GNG4: variants seen among roughly 807,000 people sequenced by gnomAD.
GNG4 encodes the protein guanine nucleotide-binding protein G(I)/G(S)/G(O) subunit gamma-4.
In GNG4, 4 loss-of-function variants were observed where a neutral mutation model predicts 5.8. That is an observed-to-expected ratio of 0.69 (90% confidence interval 0.34 to 1.57). The LOEUF is 1.57. GNG4 is among the 40% of genes most tolerant of loss of function. The pLI, the probability that GNG4 is intolerant of heterozygous loss-of-function variation, is 0.06. For synonymous variants in GNG4, 29 were observed against 32.9 expected (o/e 0.88, Z 0.41); for missense variants, 96 against 95.1 (o/e 1.01, Z -0.04).
chr1:235,555,754 C>A (rs1030858655), intron 3 of GNG4, among the ~76,000 whole-genome samples: 1 of 151,230 alleles, frequency 6.6e-6, no homozygotes, highest in African/African-American at 2.4e-5. Flanking sequence ...TGGTGTACAA[C>A]ATGATGTTTT....
In GNG4 at chr1:235,648,486, C is replaced by T. The variant is rs1198570486; in HGVS notation, c.-123+1176G>A. 1.3e-5 allele frequency among the ~76,000 whole-genome samples: 2 copies of T among 152,234 alleles called. No individual in the cohort carries two copies. The highest frequency in any genetic ancestry group is 2.9e-5 in the Non-Finnish European group (2 of 68,044). On this transcript the variant is annotated intron_variant, in intron 1 of 3. Transcript: ENST00000391854. This position sits in a 1 kb window ranked among gnomAD's most constrained non-coding sequence, Gnocchi z 5.0. ...CCTCTTGCAGGGAACAGGGCCAGATCAGATGGCGGCTGGTTCCCCTCCCCC... is the reference window on the plus strand; with the variant it reads ...CCTCTTGCAGGGAACAGGGCCAGATTAGATGGCGGCTGGTTCCCCTCCCCC...
chr1:235,633,304 T>C (rs894680816), intron 1 of GNG4, among the ~76,000 whole-genome samples: 1 of 152,008 alleles, frequency 6.6e-6, no homozygotes, highest in Admixed American at 6.6e-5. Flanking sequence ...AAGTTCCACT[T>C]CTTCCCAGGA....
At chr1:235,593,732 C>A (rs1004154576) in intron 2 of GNG4, among the ~76,000 whole-genome samples, 2 of 152,112 alleles carry the variant, frequency 1.3e-5, no homozygotes, top group Non-Finnish European at 2.9e-5. Flanking sequence ...GTGAGTGTTA[C>A]AGCTCTTAAG....
At chr1:235,629,577 T>TTTTC (rs146878010) in intron 1 of GNG4, among the ~76,000 whole-genome samples, 3,779 of 143,380 alleles carry the variant, frequency 0.026, 171 homozygotes, top group African/African-American at 0.1. Flanking sequence ...CCTCTCAAAT[T>TTTTC]TTTCTTTCTT....
chr1:235,631,190 T>C (rs563728872), intron 1 of GNG4, among the ~76,000 whole-genome samples: 1 of 152,150 alleles, frequency 6.6e-6, no homozygotes, highest in African/African-American at 2.4e-5. Context: ...TGAGCCACTG[T>C]GCCCAGCTGA....
chr1:235,634,043 T>C (rs1334513701), intron 1 of GNG4, among the ~76,000 whole-genome samples: 1 of 152,148 alleles, frequency 6.6e-6, no homozygotes, highest in Non-Finnish European at 1.5e-5. Context: ...GAGCTCAGAT[T>C]GGGGTCCTAC....
At chr1:235,599,759 G>A (rs1237112990) in intron 1 of GNG4, among the ~76,000 whole-genome samples, 1 of 152,192 alleles carries the variant, frequency 6.6e-6, no homozygotes, top group Non-Finnish European at 1.5e-5. Context: ...CATAACAGTG[G>A]TGGACAGCAG....
chr1:235,621,043 G>A (rs954866333), intron 1 of GNG4, among the ~76,000 whole-genome samples: 2 of 151,982 alleles, frequency 1.3e-5, no homozygotes, highest in South Asian at 4.1e-4. Flanking sequence ...CTGGCAGGCA[G>A]GCTGCCCCTG....
chr1:235,582,424 C>T (rs1021362696), intron 3 of GNG4, among the ~76,000 whole-genome samples: 3 of 152,244 alleles, frequency 2.0e-5, no homozygotes, highest in Non-Finnish European at 2.9e-5. Context: ...CCAGCCATAG[C>T]TCACAACTCT....
chr1:235,612,824 G>A lies in GNG4; in HGVS notation c.-122-17313C>T, dbSNP rs149091395. On this transcript the variant is annotated intron_variant, in intron 1 of 3. Coordinates refer to ENST00000391854, the MANE Select transcript of GNG4 (RefSeq NM_001098722.2). ...AGGCATGAGCCATCATGCCCGTCCT[G>A]GGTAGCTTTTAAACTACAAAATTTA... Among the ~76,000 whole-genome samples, 34 of 152,204 alleles carry A rather than the reference G, an allele frequency of 2.2e-4. No homozygotes were observed. The East Asian group carries it at 6.2e-3, about 28-fold the overall frequency.
At chr1:235,580,753 T>TTG (rs1558483043) in intron 3 of GNG4, among the ~76,000 whole-genome samples, 1 of 147,128 alleles carries the variant, frequency 6.8e-6, no homozygotes, top group African/African-American at 2.5e-5. Flanking sequence ...TTTGTTTTTT[T>TTG]TTTTTTTTTT....
At chr1:235,613,078 G>T (rs924473925) in intron 1 of GNG4, among the ~76,000 whole-genome samples, 5 of 151,926 alleles carry the variant, frequency 3.3e-5, no homozygotes, top group African/African-American at 1.2e-4. Context: ...CTACTGCACT[G>T]GGGATTAGAT....
chr1:235,606,419 A>T (rs1688361645), intron 1 of GNG4, among the ~76,000 whole-genome samples: 1 of 152,050 alleles, frequency 6.6e-6, no homozygotes, highest in East Asian at 1.9e-4. Flanking sequence ...TGAGGAAACC[A>T]TGGGAGTCTA....
intron 1 of GNG4, among the ~76,000 whole-genome samples, chr1:235,632,887 C>G (rs78254170): frequency 2.0e-5 from 3 of 151,936 alleles, no homozygotes; most frequent in Non-Finnish European, 2.9e-5. Context: ...TGGATGAAAC[C>G]GAAAGACTAT....
intron 3 of GNG4, among the ~76,000 whole-genome samples, chr1:235,583,423 TG>T (rs1687692198): frequency 6.6e-6 from 1 of 152,238 alleles, no homozygotes; most frequent in African/African-American, 2.4e-5. Context: ...AGCAGAAAAG[TG>T]ATTGATCTCA....
chr1:235,555,329 G>C (rs895124214), intron 3 of GNG4, among the ~76,000 whole-genome samples: 2 of 152,084 alleles, frequency 1.3e-5, no homozygotes, highest in African/African-American at 4.8e-5. Context: ...CATCTCTTGT[G>C]GCTGACCCAT....
chr1:235,611,834 G>A (rs1008360460), intron 1 of GNG4, among the ~76,000 whole-genome samples: 12 of 152,022 alleles, frequency 7.9e-5, no homozygotes, highest in African/African-American at 2.2e-4. Flanking sequence ...AGGTCGAGGC[G>A]GGAGGATCGC....
Position 235,642,934 on chromosome 1 carries a change from C to T in GNG4, c.-123+6728G>A, listed in dbSNP as rs1449793968. On this transcript the variant is annotated intron_variant, in intron 1 of 3. Transcript: ENST00000391854. The surrounding 1 kb of genome is among the most constrained non-coding windows in gnomAD (Gnocchi z 4.3). ...CATTCACAAAACCAGGTCACATTAC[C>T]CCTCGTCCATCCATGCTCAGTCTGG... 1.3e-5 allele frequency among the ~76,000 whole-genome samples: 2 copies of T among 152,140 alleles called. No individual in the cohort carries two copies. The highest frequency in any genetic ancestry group is 4.8e-5 in the African/African-American group (2 of 41,420).
chr1:235,607,872 G>C (rs1688395001), intron 1 of GNG4, among the ~76,000 whole-genome samples: 1 of 151,838 alleles, frequency 6.6e-6, no homozygotes, highest in South Asian at 2.1e-4. Flanking sequence ...GTGGGACTTT[G>C]AGGCTGTCCA....
Sources: allele counts gnomAD v4.1 joint callset (sites outside exome capture counted in the v4.1 genomes callset), GRCh38; gene constraint gnomAD v4.1.1; non-coding constraint Gnocchi (gnomAD v3.1); transcripts MANE v1.5; gene names NCBI Gene and HGNC (gene_info 2026-07-23, HGNC 2026-07-21).